RBFOX1: variants seen among roughly 807,000 people sequenced by gnomAD.
RBFOX1 encodes the protein RNA binding fox-1 homolog 1.
A neutral mutation model predicts 57.7 loss-of-function variants in RBFOX1; 8 were observed. The observed-to-expected ratio is 0.14, with a 90% CI of 0.08 to 0.25. The LOEUF is 0.25. Ranked by LOEUF, RBFOX1 falls within the 10% of genes least tolerant of loss-of-function variation. The probability of loss-of-function intolerance (pLI) is 1.00; values close to 1 mark genes in which losing one functional copy is unlikely to be tolerated. For synonymous variants in RBFOX1, 326 were observed against 222.4 expected (o/e 1.47, Z -4.15); for missense variants, 611 against 548.5 (o/e 1.11, Z -1.14).
intron 1 of RBFOX1, among the ~76,000 whole-genome samples, chr16:5,385,569 A>C (rs1380493870): frequency 6.6e-6 from 1 of 152,206 alleles, no homozygotes; most frequent in Non-Finnish European, 1.5e-5. Flanking sequence ...AATGACCTAG[A>C]TCAGCCGCCT....
chr16:5,548,054 G>T (rs562482288), intron 2 of RBFOX1, among the ~76,000 whole-genome samples: 36 of 151,272 alleles, frequency 2.4e-4, no homozygotes, highest in Non-Finnish European at 8.8e-5. Context: ...CCAGCTACTT[G>T]GGAAGCTGAG....
chr16:6,542,654 G>A lies in RBFOX1; in HGVS notation c.-63-111949G>A, dbSNP rs541781830. Among the ~76,000 whole-genome samples, 39 of 151,522 alleles carry A rather than the reference G, an allele frequency of 2.6e-4. No individual in the cohort carries two copies. In the East Asian group the frequency reaches 7.6e-3, roughly 30 times the overall value. ...ACAGGCGCCCGCCACCATGCCTGGC[G>A]GCTAATTTTTTGTATTTTTAGTAGA... is the stretch of plus-strand genomic sequence containing the variant. On this transcript the variant is annotated intron_variant, in intron 2 of 15. Coordinates refer to ENST00000550418, the MANE Select transcript of RBFOX1 (RefSeq NM_018723.4).
intron 2 of RBFOX1, among the ~76,000 whole-genome samples, chr16:6,481,901 AAC>A (rs1308416872): frequency 6.6e-6 from 1 of 152,202 alleles, no homozygotes; most frequent in African/African-American, 2.4e-5. Flanking sequence ...TCATATTAAA[AAC>A]ACTCTTAATG....
chr16:6,485,632 A>G (rs887882692), intron 2 of RBFOX1, among the ~76,000 whole-genome samples: 3 of 152,234 alleles, frequency 2.0e-5, no homozygotes, highest in Non-Finnish European at 2.9e-5. Flanking sequence ...AAAAGTGAAT[A>G]TTCAAACTTT....
chr16:7,068,771 C>T (rs865816416), intron 4 of RBFOX1, among the ~76,000 whole-genome samples: 1 of 152,100 alleles, frequency 6.6e-6, no homozygotes, highest in Middle Eastern at 3.4e-3. Flanking sequence ...GTATTTTTAG[C>T]AGAGATGGAG....
chr16:6,872,389 A>G (rs2061083496), intron 3 of RBFOX1, among the ~76,000 whole-genome samples: 1 of 151,932 alleles, frequency 6.6e-6, no homozygotes, highest in Non-Finnish European at 1.5e-5. Context: ...CTTTACTATG[A>G]CCATAGCTCT....
At chr16:6,538,315 C>T (rs1056667682) in intron 2 of RBFOX1, among the ~76,000 whole-genome samples, 8 of 152,070 alleles carry the variant, frequency 5.3e-5, no homozygotes, top group Non-Finnish European at 1.2e-4. Context: ...CACAGGGAGA[C>T]CTCATCTCTA....
chr16:7,667,953 C>T (rs576011545), intron 13 of RBFOX1, among the ~76,000 whole-genome samples: 17 of 152,274 alleles, frequency 1.1e-4, no homozygotes, highest in Non-Finnish European at 2.4e-4. Context: ...CGATTACAGA[C>T]GTGAGCCACT....
intron 2 of RBFOX1, among the ~76,000 whole-genome samples, chr16:6,586,006 G>A (rs1483101931): frequency 6.6e-6 from 1 of 152,152 alleles, no homozygotes; most frequent in African/African-American, 2.4e-5. Context: ...TGCCCAATAA[G>A]TGAAATAATA....
At chr16:5,350,728 T>C (rs2065244386) in intron 1 of RBFOX1, among the ~76,000 whole-genome samples, 1 of 152,142 alleles carries the variant, frequency 6.6e-6, no homozygotes, top group Non-Finnish European at 1.5e-5. Context: ...TAGCCAGGCA[T>C]GGTAGTGGGC....
chr16:5,645,048 C>T (rs560031343), intron 3 of RBFOX1, among the ~76,000 whole-genome samples: 2 of 145,460 alleles, frequency 1.4e-5, no homozygotes, highest in African/African-American at 2.6e-5. Flanking sequence ...CCAGCCTGAG[C>T]AACATGGTGA....
intron 1 of RBFOX1, among the ~76,000 whole-genome samples, chr16:5,335,888 T>C (rs1353845493): frequency 6.6e-6 from 1 of 152,110 alleles, no homozygotes; most frequent in Non-Finnish European, 1.5e-5. Context: ...ATGGTGATGG[T>C]AATTATACCT....
rs1482262168 is a variant in RBFOX1 at position 6,767,948 on chromosome 16, AAGAAGAAG to A, written c.-16+113300_-16+113307del. Among the ~76,000 whole-genome samples the A allele has an allele frequency of 2.3e-4, 11 of 48,774 alleles. No homozygotes were observed. In the East Asian group the frequency reaches 3.6e-3, roughly 16 times the overall value. 32.0% of individuals were successfully genotyped at this position (48,774 alleles called of 152,430 possible). ...TAATAATAATAATAATAATAATAAT[AAGAAGAAG>A]AAGAAGAAGAAGAAGAAGAAGAAGA... is the stretch of plus-strand genomic sequence containing the variant. On this transcript the variant is annotated intron_variant, in intron 3 of 15. Transcript: ENST00000550418.
intron 14 of RBFOX1, among the ~76,000 whole-genome samples, chr16:7,706,109 G>A (rs1253613080): frequency 2.6e-5 from 4 of 152,158 alleles, no homozygotes; most frequent in Non-Finnish European, 4.4e-5. Flanking sequence ...TGGCATATCT[G>A]CTGCAAACGT....
chr16:7,626,913 T>A (rs1191717680), intron 10 of RBFOX1, among the ~76,000 whole-genome samples: 1 of 152,204 alleles, frequency 6.6e-6, no homozygotes, highest in Non-Finnish European at 1.5e-5. Context: ...GAGTATGATT[T>A]GGCTCTACCG....
intron 3 of RBFOX1, among the ~76,000 whole-genome samples, chr16:6,777,804 C>G (rs935167572): frequency 6.6e-6 from 1 of 151,996 alleles, no homozygotes; most frequent in African/African-American, 2.4e-5. Flanking sequence ...TGTTTTGCAC[C>G]TTGTCATCAA....
rs1567756291 is a variant in RBFOX1 at position 6,242,630 on chromosome 16, ACACACACACAC to A, written c.-126-74364_-126-74354del. ...TTTGAGAGAGGATAATTTATTGCAA[ACACACACACAC>A]ACACACACACACACACACACACATT... On this transcript the variant is annotated intron_variant, in intron 1 of 15. Transcript: ENST00000550418. Among the ~76,000 whole-genome samples the A allele has an allele frequency of 7.9e-3, 277 of 35,044 alleles. 1 individual carries two copies. The highest frequency in any genetic ancestry group is 0.031 in the African/African-American group (237 of 7,632). 23.0% of individuals were successfully genotyped at this position (35,044 alleles called of 152,430 possible).
At position 5,767,779 on chromosome 16, in the gene RBFOX1, G is replaced by T. The variant is rs2053839079; in HGVS notation, c.319-99524G>T. Among the ~76,000 whole-genome samples, 5 of 152,128 alleles carry T rather than the reference G, an allele frequency of 3.3e-5. No individual in the cohort carries two copies. In the South Asian group the frequency reaches 8.3e-4, roughly 25 times the overall value. On this transcript the variant is annotated intron_variant, in intron 3 of 19. Coordinates refer to the RBFOX1 transcript ENST00000641259. ...AGACCCTCATTAGTTGCCTTTGCTG[G>T]GCCTAATACTCAGCAGTACCAAAAT...
intron 3 of RBFOX1, among the ~76,000 whole-genome samples, chr16:5,673,950 A>G (rs1026327333): frequency 1.3e-5 from 2 of 152,202 alleles, no homozygotes. Flanking sequence ...AGGAAGCCCC[A>G]TGGGTCTTGA....
Sources: gnomAD v4.1 joint callset for allele counts (sites outside exome capture counted in the v4.1 genomes callset) on GRCh38, gnomAD v4.1.1 for gene constraint, MANE v1.5 for transcripts, NCBI Gene and HGNC (gene_info 2026-07-23, HGNC 2026-07-21) for gene names.